The following TTLL5 variants were observed in gnomAD, a reference collection of about 807,000 sequenced individuals.
TTLL5 encodes tubulin polyglutamylase TTLL5.
In TTLL5, 132 loss-of-function variants were observed where a neutral mutation model predicts 168.4. The ratio of observed to expected loss-of-function variants is 0.78; its 90% CI spans 0.68 to 0.91. TTLL5 has a LOEUF of 0.91. TTLL5 is among the 40% of genes least tolerant of loss of function. TTLL5 has a pLI of 0.00. For missense variants in TTLL5, 1,545 were observed against 1,581.5 expected, an observed-to-expected ratio of 0.98 and a Z score of 0.39; for synonymous variants, 546 against 558.6, an observed-to-expected ratio of 0.98 and a Z score of 0.32.
At chr14:75,678,672 C>G (rs951567524) in intron 3 of TTLL5, among the ~76,000 whole-genome samples, 8 of 141,600 alleles carry the variant, frequency 5.6e-5, no homozygotes, top group African/African-American at 2.0e-4. Flanking sequence ...TTGATGGTTC[C>G]TACATGTTTA....
intron 18 of TTLL5, among the ~76,000 whole-genome samples, chr14:75,757,573 T>C (rs1201023686): frequency 6.6e-6 from 1 of 152,238 alleles, no homozygotes; most frequent in African/African-American, 2.4e-5. Flanking sequence ...GATAAGCAAG[T>C]ACAAATAATT....
At chr14:75,896,240 T>TGC (rs2032656397) in intron 30 of TTLL5, among the ~76,000 whole-genome samples, 1 of 152,032 alleles carries the variant, frequency 6.6e-6, no homozygotes, top group Non-Finnish European at 1.5e-5. Context: ...TGTGTGTGTG[T>TGC]GGATATGTCG....
At chr14:75,859,198 A>G (rs1897287218) in intron 28 of TTLL5, among the ~76,000 whole-genome samples, 1 of 152,184 alleles carries the variant, frequency 6.6e-6, no homozygotes, top group South Asian at 2.1e-4. Flanking sequence ...ATTCCCTCCA[A>G]GTTCCCTAAA....
At chr14:75,864,974 T>A (rs1457111412) in intron 29 of TTLL5, among the ~76,000 whole-genome samples, 1 of 152,218 alleles carries the variant, frequency 6.6e-6, no homozygotes, top group Non-Finnish European at 1.5e-5. Flanking sequence ...AGTTCATCAA[T>A]TGATCATCTT....
At chr14:75,760,110 T>G (rs1432636613) in intron 18 of TTLL5, among the ~76,000 whole-genome samples, 1 of 152,082 alleles carries the variant, frequency 6.6e-6, no homozygotes, top group Non-Finnish European at 1.5e-5. Context: ...CTAAGGCATC[T>G]GTAACTACAA....
At chr14:75,773,964 AG>A (rs1320072157) in intron 21 of TTLL5, among the ~76,000 whole-genome samples, 3,103 of 29,792 alleles carry the variant, frequency 0.1, 90 homozygotes, top group Non-Finnish European at 0.12. Flanking sequence ...AGAAAGAGAG[AG>A]AGAGAGAGAG....
chr14:75,735,329 C>T, intron 15 of TTLL5, 40 bp downstream of exon 15: 1 of 1,596,130 alleles, frequency 6.3e-7, no homozygotes, highest in Non-Finnish European at 8.6e-7. Context: ...AGGAGGCTTA[C>T]TGGGAAGTGG....
intron 21 of TTLL5, among the ~76,000 whole-genome samples, chr14:75,773,920 A>ATATATG (rs1891501850): frequency 2.6e-5 from 1 of 38,298 alleles, no homozygotes; most frequent in Non-Finnish European, 5.4e-5. Flanking sequence ...ATATATATAT[A>ATATATG]TATATATAGA....
At chr14:75,910,032 C>G (rs2033308124) in intron 31 of TTLL5, among the ~76,000 whole-genome samples, 2 of 152,216 alleles carry the variant, frequency 1.3e-5, no homozygotes, top group Non-Finnish European at 2.9e-5. Flanking sequence ...TTCTAAGAAT[C>G]TATCCAAAAG....
chr14:75,692,002 G>C (rs1023584441), intron 6 of TTLL5, among the ~76,000 whole-genome samples: 25 of 152,248 alleles, frequency 1.6e-4, no homozygotes, highest in African/African-American at 5.5e-4. Context: ...CTCTGCAGTG[G>C]GTCACATAGA....
chr14:75,863,923 A>AAAAAAAAAAAAAAAAAAAAAAAAAAG (rs2030263521), intron 29 of TTLL5, 61 bp downstream of exon 29: 1 of 1,327,936 alleles, frequency 7.5e-7, no homozygotes, highest in East Asian at 2.8e-5. Context: ...AAAAAAAAAA[A>AAAAAAAAAAAAAAAAAAAAAAAAAAG]AAAAAAAAAA....
chr14:75,773,949 GAGAGAGAA>G lies in TTLL5; in HGVS notation c.2137-1527_2137-1520del, dbSNP rs1212210551. 6.6e-3 allele frequency among the ~76,000 whole-genome samples: 305 copies of G among 46,282 alleles called. 4 individuals carry two copies. Among genetic ancestry groups the G allele is most frequent in the African/African-American group, 0.02 (252 of 12,684 alleles). The allele number at this position is 46,282 out of a possible 152,430, so 30.4% of individuals were successfully genotyped here. On this transcript the variant is annotated intron_variant, in intron 21 of 31. Transcript: ENST00000298832. ...ATATAGAGAGAGAGAGAGAGAGAGA[GAGAGAGAA>G]AGAGAGAGAGAGAGAGAGAGAGAGA...
intron 3 of TTLL5, among the ~76,000 whole-genome samples, chr14:75,680,130 T>C (rs1884488319): frequency 1.3e-5 from 2 of 152,232 alleles, no homozygotes; most frequent in Non-Finnish European, 2.9e-5. Context: ...AATTCTTAGC[T>C]AACTTTTTCA....
chr14:75,827,865 G>A (rs1454688062), intron 28 of TTLL5, among the ~76,000 whole-genome samples: 1 of 151,490 alleles, frequency 6.6e-6, no homozygotes, highest in Non-Finnish European at 1.5e-5. Context: ...CTACATGTGT[G>A]CACCACCATG....
chr14:75,873,113 C>T (rs2031181962), intron 29 of TTLL5, among the ~76,000 whole-genome samples: 1 of 150,616 alleles, frequency 6.6e-6, no homozygotes, highest in Non-Finnish European at 1.5e-5. Flanking sequence ...TCGCTCTGTC[C>T]CCCAGGCTGG....
intron 31 of TTLL5, among the ~76,000 whole-genome samples, chr14:75,941,123 G>T (rs1330338479): frequency 6.6e-6 from 1 of 152,218 alleles, no homozygotes; most frequent in Non-Finnish European, 1.5e-5. Flanking sequence ...GGGCTTGGTG[G>T]TGCTGCTGTA....
At chr14:75,670,564 C>T (rs1281886624) in intron 3 of TTLL5, among the ~76,000 whole-genome samples, 1 of 152,242 alleles carries the variant, frequency 6.6e-6, no homozygotes, top group Non-Finnish European at 1.5e-5. Context: ...AGTTTCTCCA[C>T]ATCCTCACTA....
intron 6 of TTLL5, among the ~76,000 whole-genome samples, chr14:75,698,978 C>CT (rs1379918318): frequency 6.6e-6 from 1 of 151,836 alleles, no homozygotes; most frequent in Non-Finnish European, 1.5e-5. Flanking sequence ...TTGCTGTCCT[C>CT]TTTTCTCCTC....
intron 27 of TTLL5, among the ~76,000 whole-genome samples, chr14:75,809,547 A>G (rs2140386825): frequency 6.6e-6 from 1 of 152,318 alleles, no homozygotes; most frequent in Non-Finnish European, 1.5e-5. Flanking sequence ...CCGTTGCTTC[A>G]AAGATTTATC....
Sources: gnomAD v4.1 joint callset for allele counts (sites outside exome capture counted in the v4.1 genomes callset) on GRCh38, gnomAD v4.1.1 for gene constraint, MANE v1.5 for transcripts, NCBI Gene and HGNC (gene_info 2026-07-23, HGNC 2026-07-21) for gene names.